KSR2: variants seen among roughly 807,000 people sequenced by gnomAD.
KSR2 encodes kinase suppressor of ras 2.
KSR2 carries 25 observed loss-of-function variants against 107.8 expected under a neutral mutation model. The observed-to-expected ratio is 0.23, with a 90% CI of 0.17 to 0.32. The LOEUF (loss-of-function observed/expected upper bound fraction) is 0.32. KSR2 is among the 10% of genes least tolerant of loss of function. KSR2 has a pLI of 1.00. For synonymous variants in KSR2, 480 were observed against 507.0 expected (o/e 0.95, Z 0.71); for missense variants, 887 against 1,268.9 (o/e 0.70, Z 4.57).
chr12:117,881,849 G>A (rs10850920), intron 1 of KSR2, among the ~76,000 whole-genome samples: 22,157 of 152,052 alleles, frequency 0.15, 2,094 homozygotes, highest in East Asian at 0.46. Flanking sequence ...GTGACTCAAT[G>A]CATCTTTGCC....
intron 3 of KSR2, among the ~76,000 whole-genome samples, chr12:117,787,678 A>G (rs1383977745): frequency 6.6e-6 from 1 of 152,196 alleles, no homozygotes. Flanking sequence ...AGCAAAGTGC[A>G]AATATAGTTT....
intron 5 of KSR2, among the ~76,000 whole-genome samples, chr12:117,619,093 G>A (rs1882032642): frequency 6.6e-6 from 1 of 152,088 alleles, no homozygotes; most frequent in South Asian, 2.1e-4. Context: ...CCTTCTAGGA[G>A]ACCTTGAGAA....
intron 5 of KSR2, among the ~76,000 whole-genome samples, chr12:117,593,680 T>C (rs1437197004): frequency 2.0e-5 from 3 of 152,232 alleles, no homozygotes; most frequent in Admixed American, 6.5e-5. Flanking sequence ...GAAATCCATC[T>C]TGCAGGGTTT....
intron 10 of KSR2, among the ~76,000 whole-genome samples, chr12:117,532,933 T>C (rs1875764982): frequency 6.6e-6 from 1 of 152,216 alleles, no homozygotes; most frequent in South Asian, 2.1e-4. Context: ...CTTTATCAAA[T>C]ATTAGCACAG....
intron 1 of KSR2, among the ~76,000 whole-genome samples, chr12:117,928,030 T>A (rs1895585589): frequency 6.6e-6 from 1 of 152,154 alleles, no homozygotes; most frequent in Non-Finnish European, 1.5e-5. Context: ...ACCGTTCTAC[T>A]TTCTGTCTCT....
At chr12:117,935,233 C>T (rs944117730) in intron 1 of KSR2, among the ~76,000 whole-genome samples, 29 of 152,042 alleles carry the variant, frequency 1.9e-4, no homozygotes, top group African/African-American at 4.6e-4. Context: ...CCTCCTGGCT[C>T]GAGCAATCCT....
Position 117,890,076 on chromosome 12 carries a change from T to C in KSR2, c.181-29645A>G, listed in dbSNP as rs745461836. On this transcript the variant is annotated intron_variant, in intron 1 of 19. Coordinates refer to ENST00000339824, the MANE Select transcript of KSR2 (RefSeq NM_173598.6). ...CTGACTCAGTAGGTCTGGGGAACCATCCAACTTTGCGTTTCTAACAAGTTC... is the reference window on the plus strand; with the variant it reads ...CTGACTCAGTAGGTCTGGGGAACCACCCAACTTTGCGTTTCTAACAAGTTC... Among the ~76,000 whole-genome samples the C allele has an allele frequency of 2.6e-5, 4 of 152,198 alleles. No homozygotes were observed. The South Asian group carries it at 6.2e-4, about 24-fold the overall frequency.
intron 7 of KSR2, 25 bp from the exon 8 acceptor site, chr12:117,558,598 G>A: frequency 6.3e-7 from 1 of 1,596,756 alleles, no homozygotes; most frequent in Non-Finnish European, 8.6e-7. Flanking sequence ...GAGAGAGAAA[G>A]ATGGATAGGT....
At chr12:117,749,029 C>A (rs1888515756) in intron 4 of KSR2, among the ~76,000 whole-genome samples, 1 of 150,860 alleles carries the variant, frequency 6.6e-6, no homozygotes, top group Admixed American at 6.6e-5. Flanking sequence ...TAGCTCTTGT[C>A]CTTCAGCAAC....
At chr12:117,551,701 A>G (rs1181968372) in intron 9 of KSR2, among the ~76,000 whole-genome samples, 1 of 152,230 alleles carries the variant, frequency 6.6e-6, no homozygotes, top group East Asian at 1.9e-4. Context: ...GTATTGCACT[A>G]ACCACATCAT....
At chr12:117,630,719 C>A (rs771995889) in intron 5 of KSR2, among the ~76,000 whole-genome samples, 7 of 152,012 alleles carry the variant, frequency 4.6e-5, no homozygotes, top group Non-Finnish European at 8.8e-5. Flanking sequence ...TTAGGAAATG[C>A]AAATTGGCAG....
intron 5 of KSR2, among the ~76,000 whole-genome samples, chr12:117,603,704 C>A (rs1881080156): frequency 6.6e-6 from 1 of 152,142 alleles, no homozygotes; most frequent in Non-Finnish European, 1.5e-5. Flanking sequence ...AAATTCTAAC[C>A]CTCTCCAAAA....
chr12:117,786,761 A>T (rs2136960751), intron 3 of KSR2, among the ~76,000 whole-genome samples: 1 of 152,282 alleles, frequency 6.6e-6, no homozygotes, highest in Middle Eastern at 3.4e-3. Flanking sequence ...GAATGCAGTG[A>T]AACGAGATCG....
At chr12:117,864,786 C>G (rs11068703) in intron 1 of KSR2, among the ~76,000 whole-genome samples, 4,897 of 152,238 alleles carry the variant, frequency 0.032, 484 homozygotes, top group East Asian at 0.32. Context: ...TCCCTTTTTA[C>G]AAGGACATCA....
intron 4 of KSR2, among the ~76,000 whole-genome samples, chr12:117,756,881 T>A (rs567211648): frequency 5.3e-5 from 8 of 151,982 alleles, no homozygotes; most frequent in African/African-American, 1.9e-4. Flanking sequence ...ATGATGAAAC[T>A]CCATCTCTCC....
chr12:117,621,754 T>C (rs1359656513), intron 5 of KSR2, among the ~76,000 whole-genome samples: 1 of 152,158 alleles, frequency 6.6e-6, no homozygotes, highest in Non-Finnish European at 1.5e-5. Context: ...AGGAACTCTA[T>C]ACTATTTTTG....
At chr12:117,712,732 A>G (rs1202606697) in intron 4 of KSR2, among the ~76,000 whole-genome samples, 1 of 152,192 alleles carries the variant, frequency 6.6e-6, no homozygotes, top group African/African-American at 2.4e-5. Context: ...CAGGGCTTAC[A>G]GGTTTGGGTC....
At chr12:117,713,070 T>C (rs997138767) in intron 4 of KSR2, among the ~76,000 whole-genome samples, 5 of 149,560 alleles carry the variant, frequency 3.3e-5, no homozygotes, top group Non-Finnish European at 7.4e-5. Flanking sequence ...TATATACTTA[T>C]ATAGATAGAT....
chr12:117,740,662 T>C (rs1052831410), intron 4 of KSR2, among the ~76,000 whole-genome samples: 1 of 88,148 alleles, frequency 1.1e-5, no homozygotes, highest in Non-Finnish European at 2.8e-5. Context: ...ATGTAATATA[T>C]AATATATATA....
Sources: gnomAD v4.1 joint callset for allele counts (sites outside exome capture counted in the v4.1 genomes callset) on GRCh38, gnomAD v4.1.1 for gene constraint, MANE v1.5 for transcripts, NCBI Gene and HGNC (gene_info 2026-07-23, HGNC 2026-07-21) for gene names.